The following PPFIA3 variants were observed in gnomAD, a reference collection of about 807,000 sequenced individuals.
The protein encoded by PPFIA3 is PPFI scaffold protein A3.
In PPFIA3, 26 loss-of-function variants were observed where a neutral mutation model predicts 145.8. The ratio of observed to expected loss-of-function variants is 0.18; its 90% CI spans 0.13 to 0.25. The LOEUF (loss-of-function observed/expected upper bound fraction) is 0.25. Among genes scored for constraint, PPFIA3 ranks in the 10% least tolerant of loss-of-function variants. PPFIA3 has a pLI of 1.00. For missense variants in PPFIA3, 1,008 were observed against 1,587.8 expected (o/e 0.63, Z 6.21); for synonymous variants, 645 against 661.4 (o/e 0.98, Z 0.38).
chr19:49,135,723 C>T, intron 13 of PPFIA3, 56 bp from the exon 14 acceptor site: 3 of 1,536,856 alleles, frequency 2.0e-6, no homozygotes, highest in Non-Finnish European at 2.6e-6. Context: ...GTGACCCTTA[C>T]CTCTGTGCTC....
chr19:49,121,776 C>CA (rs556703674), intron 1 of PPFIA3, among the ~76,000 whole-genome samples: 4 of 151,084 alleles, frequency 2.6e-5, no homozygotes, highest in African/African-American at 7.3e-5. Flanking sequence ...AACTCTGTCT[C>CA]AAAAAAAAAT....
chr19:49,141,968 G>A, intron 19 of PPFIA3, 66 bp from the exon 20 acceptor site: 1 of 1,287,972 alleles, frequency 7.8e-7, no homozygotes, highest in Non-Finnish European at 1.1e-6. Flanking sequence ...TGCTGATGGG[G>A]GCCATCCACA....
At position 49,133,845 on chromosome 19, in the gene PPFIA3, C is replaced by T; in HGVS notation, c.1211C>T (p.Ala404Val). The T allele has an allele frequency of 1.2e-6, 2 of 1,613,094 alleles. No individual in the cohort carries two copies. The highest frequency in any genetic ancestry group is 1.7e-6 in the Non-Finnish European group (2 of 1,179,992). Residue 404 changes from alanine to valine, a missense_variant, in exon 10 of 30, where the codon GCC becomes GTC. Ala to Val is a moderately conservative substitution (Grantham distance 64, BLOSUM62 0). Coordinates refer to ENST00000334186, the MANE Select transcript of PPFIA3 (RefSeq NM_003660.4). This position sits in a 1 kb window ranked among gnomAD's most constrained non-coding sequence, Gnocchi z 7.2. ...GAGGAGCGGCTTCGGCAGCTGGAGGCCCAGCTGGAAGAGAAGAATCAAGAG... is the reference window on the plus strand; with the variant it reads ...GAGGAGCGGCTTCGGCAGCTGGAGGTCCAGCTGGAAGAGAAGAATCAAGAG... ...NFEERLRQLE[A>V]QLEEKNQELQ...
In PPFIA3 at chr19:49,149,724, G is replaced by A. The variant is rs1257522367; in HGVS notation, c.3526+6G>A. The A allele has an allele frequency of 2.5e-6, 4 of 1,598,508 alleles. No homozygotes were observed. The highest frequency in any genetic ancestry group is 2.2e-5 in the East Asian group (1 of 44,804). On this transcript the variant is annotated splice_donor_region_variant and intron_variant, in intron 28 of 29. Coordinates refer to ENST00000334186, the MANE Select transcript of PPFIA3 (RefSeq NM_003660.4). This position sits in a 1 kb window ranked among gnomAD's most constrained non-coding sequence, Gnocchi z 5.7. The stretch of plus-strand genomic sequence containing the variant: ...CCGCAAGCTGCAGCCAGAAGGTGGG[G>A]GGCTCCCAAATGCGACAGCCCTTCC...
At position 49,127,865 on chromosome 19, in the gene PPFIA3, A is replaced by C. The variant is rs1600326765; in HGVS notation, c.-9A>C. ...TGCCCTCCCCGCCCCGCAGGCCCGC[A>C]CCGCCGCCATGATGTGCGAGGTGAT... On this transcript the variant is annotated 5_prime_UTR_variant, in exon 2 of 30. Coordinates refer to ENST00000334186, the MANE Select transcript of PPFIA3 (RefSeq NM_003660.4). 6.3e-7 allele frequency: 1 copy of C among 1,589,900 alleles called. No individual in the cohort carries two copies. The highest frequency in any genetic ancestry group is 8.5e-7 in the Non-Finnish European group (1 of 1,177,162).
intron 5 of PPFIA3, 123 bp downstream of exon 5, chr19:49,129,577 A>G (rs976556066): frequency 2.8e-6 from 3 of 1,056,102 alleles, no homozygotes; most frequent in African/African-American, 3.2e-5. Context: ...AGGGCAGACA[A>G]GCTATGGGGT....
intron 21 of PPFIA3, among the ~76,000 whole-genome samples, chr19:49,144,299 G>A (rs562496415): frequency 2.0e-5 from 3 of 152,228 alleles, no homozygotes; most frequent in African/African-American, 4.8e-5. Context: ...GTGAGCCACC[G>A]TGCCCGGCCT....
rs1413083990 is a variant in PPFIA3, at chr19:49,130,381, C to G, written c.661C>G (p.Leu221Val). The G allele has an allele frequency of 6.2e-7, 1 of 1,603,586 alleles. No individual in the cohort carries two copies. Among genetic ancestry groups the G allele is most frequent in the East Asian group, 2.2e-5 (1 of 44,648 alleles). ...EPGKDGDGQT[L>V]ANGLGPGGDS... ...TCCCCTCCTTCCCTCACTCCAGACT[C>G]TTGCCAATGGCCTGGGTCCTGGCGG... Residue 221 changes from leucine to valine, a missense_variant, in exon 7 of 30, where the codon CTT (leucine) becomes GTT (valine). By Grantham distance (32) the Leu-to-Val change is conservative. Transcript: ENST00000334186. This position sits in a 1 kb window ranked among gnomAD's most constrained non-coding sequence, Gnocchi z 4.5.
Position 49,133,224 on chromosome 19 carries a change from C to A in PPFIA3, c.1027-13C>A. 6.3e-7 allele frequency: 1 copy of A among 1,594,752 alleles called. No homozygotes were observed. Among genetic ancestry groups the A allele is most frequent in the Non-Finnish European group, 8.6e-7 (1 of 1,168,828 alleles). ...CCCAGCCCGTCCCCTCCCCCTGCCT[C>A]TCCCTCCCCCAGAGTGAAGAGAAGA... On this transcript the variant is annotated splice_polypyrimidine_tract_variant and intron_variant, in intron 8 of 29. Coordinates refer to ENST00000334186, the MANE Select transcript of PPFIA3 (RefSeq NM_003660.4). The surrounding 1 kb of genome is among the most constrained non-coding windows in gnomAD (Gnocchi z 7.2).
chr19:49,128,759 C>A lies in PPFIA3; in HGVS notation c.343-89C>A. The A allele has an allele frequency of 7.8e-7, 1 of 1,276,336 alleles. No homozygotes were observed. Among genetic ancestry groups the A allele is most frequent in the Non-Finnish European group, 1.1e-6 (1 of 926,828 alleles). The allele number at this position is 1,276,336 out of a possible 1,614,324, so 79.1% of individuals were successfully genotyped here. A position where few individuals can be genotyped will look rare whatever the true frequency, so the allele number is the denominator to read the frequency against. ...CTTTATATGGCTCCATCTTTTCCTCCATGTGTCCGCCCTACCTGTCACCCT... is the reference window on the plus strand; with the variant it reads ...CTTTATATGGCTCCATCTTTTCCTCAATGTGTCCGCCCTACCTGTCACCCT... On this transcript the variant is annotated intron_variant, in intron 3 of 29. Coordinates refer to ENST00000334186, the MANE Select transcript of PPFIA3 (RefSeq NM_003660.4). This position sits in a 1 kb window ranked among gnomAD's most constrained non-coding sequence, Gnocchi z 4.1.
At chr19:49,146,462 C>A in intron 23 of PPFIA3, 1 of 557,116 alleles carries the variant, frequency 1.8e-6, no homozygotes, top group Non-Finnish European at 3.2e-6. Flanking sequence ...TAAGGGGCTT[C>A]AATTCTGTAG....
At position 49,136,928 on chromosome 19, in the gene PPFIA3, C is replaced by T. The variant is rs2041145406; in HGVS notation, c.1853+17C>T. Reference sequence around the variant, plus strand: ...GGAGATCAAGTGAGCCCTGGCCCCGCCCCGGCCTGCCCTGCCCTGCCGGAG... The same window carrying T: ...GGAGATCAAGTGAGCCCTGGCCCCGTCCCGGCCTGCCCTGCCCTGCCGGAG... On this transcript the variant is annotated intron_variant, in intron 15 of 29. Coordinates refer to ENST00000334186, the MANE Select transcript of PPFIA3 (RefSeq NM_003660.4). The T allele has an allele frequency of 2.0e-6, 3 of 1,492,384 alleles. No individual in the cohort carries two copies. Among genetic ancestry groups the T allele is most frequent in the Non-Finnish European group, 2.7e-6 (3 of 1,112,834 alleles). The allele number at this position is 1,492,384 out of a possible 1,614,324, so 92.4% of individuals were successfully genotyped here.
Position 49,133,461 on chromosome 19 carries a change from G to T in PPFIA3, c.1161+90G>T. ...CGTGAATCTGGAGGGGTAGGAGCGAGGTCAGAACCCCGGATTTGGGGGAAA... is the reference window on the plus strand; with the variant it reads ...CGTGAATCTGGAGGGGTAGGAGCGATGTCAGAACCCCGGATTTGGGGGAAA... On this transcript the variant is annotated intron_variant, in intron 9 of 29. Coordinates refer to ENST00000334186, the MANE Select transcript of PPFIA3 (RefSeq NM_003660.4). The surrounding 1 kb of genome is among the most constrained non-coding windows in gnomAD (Gnocchi z 7.2). 7.1e-7 allele frequency: 1 copy of T among 1,415,598 alleles called. No individual in the cohort carries two copies. The highest frequency in any genetic ancestry group is 9.3e-7 in the Non-Finnish European group (1 of 1,073,764). 87.7% of individuals were successfully genotyped at this position (1,415,598 alleles called of 1,614,324 possible).
Position 49,120,333 on chromosome 19 carries a change from C to A in PPFIA3, c.-16+611C>A, listed in dbSNP as rs952156012. 3.3e-5 allele frequency among the ~76,000 whole-genome samples: 5 copies of A among 152,200 alleles called. No individual in the cohort carries two copies. Among genetic ancestry groups the A allele is most frequent in the Non-Finnish European group, 7.4e-5 (5 of 68,022 alleles). On this transcript the variant is annotated intron_variant, in intron 1 of 29. Transcript: ENST00000334186. This position sits in a 1 kb window ranked among gnomAD's most constrained non-coding sequence, Gnocchi z 4.6. ...ACCCGGGCCCTCCCCGACCAGGGCGCCCCAGCCTCTGGGTTCTGCCGGCCA... is the reference window on the plus strand; with the variant it reads ...ACCCGGGCCCTCCCCGACCAGGGCGACCCAGCCTCTGGGTTCTGCCGGCCA...
chr19:49,148,662 T>C lies in PPFIA3; in HGVS notation c.3012-4T>C. 4 of 1,608,980 alleles carry C rather than the reference T, an allele frequency of 2.5e-6. No individual in the cohort carries two copies. Among genetic ancestry groups the C allele is most frequent in the Non-Finnish European group, 3.4e-6 (4 of 1,175,458 alleles). ...TCCGTGACTCCACTTCCCCTGCTGC[T>C]CAGGGTGAGTCTACATTATGGGATT... On this transcript the variant is annotated splice_region_variant and splice_polypyrimidine_tract_variant and intron_variant, in intron 24 of 29. Coordinates refer to ENST00000334186, the MANE Select transcript of PPFIA3 (RefSeq NM_003660.4).
At chr19:49,129,289 C>T in intron 4 of PPFIA3, 91 bp from the exon 5 acceptor site, 2 of 1,355,348 alleles carry the variant, frequency 1.5e-6, no homozygotes, top group East Asian at 2.5e-5. Context: ...GCTGCCCTAT[C>T]GGATCCGTCC....
chr19:49,149,457 G>A lies in PPFIA3; in HGVS notation c.3355-90G>A, dbSNP rs11881247. On this transcript the variant is annotated intron_variant, in intron 27 of 29. Transcript: ENST00000334186. This position sits in a 1 kb window ranked among gnomAD's most constrained non-coding sequence, Gnocchi z 5.7. ...AGGAGAGGGGCGGGGTTAAAGGAGA[G>A]GTGAGACCCGGAGAGGGGTGGAGTC... 1.0e-3 allele frequency: 1,604 copies of A among 1,586,378 alleles called. 17 individuals carry two copies. In the African/African-American group the frequency reaches 0.019, roughly 19 times the overall value.
Position 49,130,314 on chromosome 19 carries a change from C to T in PPFIA3, c.658-64C>T, listed in dbSNP as rs1235081606. On this transcript the variant is annotated intron_variant, in intron 6 of 29. Transcript: ENST00000334186. The surrounding 1 kb of genome is among the most constrained non-coding windows in gnomAD (Gnocchi z 4.5). Reference sequence around the variant, plus strand: ...CTACTTTCAGCTGATTGACTTTCTCCTTGGATTTCCTCTGTGTCTCCGGAG... The same window carrying T: ...CTACTTTCAGCTGATTGACTTTCTCTTTGGATTTCCTCTGTGTCTCCGGAG... The T allele has an allele frequency of 3.5e-6, 5 of 1,433,942 alleles. No individual in the cohort carries two copies. Among genetic ancestry groups the T allele is most frequent in the Non-Finnish European group, 4.7e-6 (5 of 1,057,734 alleles). The allele number at this position is 1,433,942 out of a possible 1,614,324, so 88.8% of individuals were successfully genotyped here. A position where few individuals can be genotyped will look rare whatever the true frequency, so the allele number is the denominator to read the frequency against.
At position 49,150,337 on chromosome 19, in the gene PPFIA3, G is replaced by C. The variant is rs1600358002; in HGVS notation, c.*115G>C. 1.6e-6 allele frequency: 1 copy of C among 624,976 alleles called. No homozygotes were observed. The highest frequency in any genetic ancestry group is 2.9e-5 in the East Asian group (1 of 34,846). The allele number at this position is 624,976 out of a possible 1,614,324, so 38.7% of individuals were successfully genotyped here. ...GAGAGCGGGCGGGGGAGCTCGCGCC[G>C]AGGACTGGACCATCTGTACAGACCA... On this transcript the variant is annotated 3_prime_UTR_variant, in exon 30 of 30. Transcript: ENST00000334186.
Sources: allele counts gnomAD v4.1 joint callset (sites outside exome capture counted in the v4.1 genomes callset), GRCh38; gene constraint gnomAD v4.1.1; non-coding constraint Gnocchi (gnomAD v3.1); transcripts MANE v1.5; gene names NCBI Gene and HGNC (gene_info 2026-07-23, HGNC 2026-07-21).